The following PRH1 variants were observed in gnomAD, a reference collection of about 807,000 sequenced individuals.
The protein encoded by PRH1 is proline rich protein HaeIII subfamily 1.
Under a neutral mutation model 7.9 loss-of-function variants are expected in PRH1, and 7 were observed. The ratio of observed to expected loss-of-function variants is 0.89; its 90% CI spans 0.50 to 1.67. PRH1 has a LOEUF of 1.67. Among genes scored for constraint, PRH1 ranks in the 40% most tolerant of loss-of-function variants. The pLI is 0.00. For synonymous variants in PRH1, 45 were observed against 80.8 expected, an observed-to-expected ratio of 0.56 and a Z score of 2.38; for missense variants, 109 against 223.6, an observed-to-expected ratio of 0.49 and a Z score of 3.27.
chr12:11,056,142 A>G (rs1228451710), intron 1 of PRH1, among the ~76,000 whole-genome samples: 1 of 152,188 alleles, frequency 6.6e-6, no homozygotes, highest in Non-Finnish European at 1.5e-5. Context: ...TTAGCCTCTC[A>G]TATTTAGGAC....
chr12:11,135,681 A>C (rs1946530277), intron 1 of PRH1, among the ~76,000 whole-genome samples: 1 of 152,198 alleles, frequency 6.6e-6, no homozygotes, highest in Admixed American at 6.5e-5. Flanking sequence ...AAAAGAAAAA[A>C]TAGATGGGGA....
chr12:10,900,277 C>G (rs1351950519), intron 2 of PRH1, among the ~76,000 whole-genome samples: 4 of 152,218 alleles, frequency 2.6e-5, no homozygotes, highest in African/African-American at 9.6e-5. Flanking sequence ...TCTCCAAAGC[C>G]CTGGAGATAA....
At chr12:10,945,395 A>G (rs969787284) in intron 2 of PRH1, among the ~76,000 whole-genome samples, 1 of 152,170 alleles carries the variant, frequency 6.6e-6, no homozygotes, top group African/African-American at 2.4e-5. Flanking sequence ...AGAAATTTTA[A>G]AGCTGGTGTC....
intron 1 of PRH1, among the ~76,000 whole-genome samples, chr12:11,164,118 G>T (rs1248709070): frequency 6.6e-6 from 1 of 152,152 alleles, no homozygotes; most frequent in Non-Finnish European, 1.5e-5. Context: ...AAGAATACCC[G>T]TATAACTGGT....
At chr12:11,171,422 C>G in exon 1 of PRH1, 1 of 1,232,068 alleles carries the variant, frequency 8.1e-7, no homozygotes, top group African/African-American at 1.5e-5. Flanking sequence ...CGACACCCAC[C>G]TCGTACGGCG....
At chr12:11,004,436 C>T (rs903974901) in intron 1 of PRH1, among the ~76,000 whole-genome samples, 5 of 152,128 alleles carry the variant, frequency 3.3e-5, no homozygotes, top group Admixed American at 6.6e-5. Flanking sequence ...AACCCGGAGG[C>T]GGAGGTTGCG....
chr12:10,925,050 G>C (rs552676110), intron 2 of PRH1, among the ~76,000 whole-genome samples: 1 of 152,100 alleles, frequency 6.6e-6, no homozygotes, highest in Admixed American at 6.6e-5. Context: ...GCTAGCTTTT[G>C]AATGTGTTGG....
intron 1 of PRH1, among the ~76,000 whole-genome samples, chr12:11,081,228 T>C (rs1215074777): frequency 1.4e-5 from 2 of 141,670 alleles, no homozygotes; most frequent in African/African-American, 5.1e-5. Context: ...TCTAATTCAC[T>C]TATTCTCTCT....
Position 11,090,665 on chromosome 12 carries a change from C to G in PRH1, n.124-43477G>C, listed in dbSNP as rs867345654. On this transcript the variant is annotated intron_variant and non_coding_transcript_variant, in intron 1 of 4. Transcript: ENST00000541977. Reference sequence around the variant, plus strand: ...ATACATTAAATTTACTCTGCATATGCTTCTCACTCAAATTCTATTGTGTGC... The same window carrying G: ...ATACATTAAATTTACTCTGCATATGGTTCTCACTCAAATTCTATTGTGTGC... Among the ~76,000 whole-genome samples, 45 of 117,848 alleles carry G rather than the reference C, an allele frequency of 3.8e-4. 11 individuals are homozygous for G. Among genetic ancestry groups the G allele is most frequent in the Admixed American group, 2.3e-3 (27 of 11,920 alleles). 77.3% of individuals were successfully genotyped at this position (117,848 alleles called of 152,430 possible).
intron 2 of PRH1, among the ~76,000 whole-genome samples, chr12:10,941,047 C>G (rs1009269184): frequency 1.3e-5 from 2 of 152,052 alleles, no homozygotes; most frequent in Non-Finnish European, 2.9e-5. Flanking sequence ...CACATAGAGA[C>G]AAGAAGGTTA....
At chr12:11,017,492 T>A (rs10772417) in intron 1 of PRH1, among the ~76,000 whole-genome samples, 32,174 of 136,286 alleles carry the variant, frequency 0.24, 3,956 homozygotes, top group Non-Finnish European at 0.3. Flanking sequence ...TTAATTTATT[T>A]ATTTATATTT....
At chr12:11,092,227 C>T (rs139372865) in intron 1 of PRH1, 2 of 1,273,280 alleles carry the variant, frequency 1.6e-6, no homozygotes, top group African/African-American at 3.1e-5. Context: ...GAAAAGTTAT[C>T]ATGTCTGAAC....
chr12:11,032,233 T>G (rs535898339), intron 1 of PRH1, among the ~76,000 whole-genome samples: 4 of 152,202 alleles, frequency 2.6e-5, no homozygotes, highest in Non-Finnish European at 5.9e-5. Context: ...TTTAGTGACT[T>G]CAGTTGTTAG....
intron 1 of PRH1, among the ~76,000 whole-genome samples, chr12:11,036,433 C>T (rs1354753998): frequency 1.3e-5 from 2 of 152,172 alleles, no homozygotes; most frequent in Non-Finnish European, 2.9e-5. Context: ...TCATCACTCA[C>T]TCAAGTGTGA....
intron 2 of PRH1, among the ~76,000 whole-genome samples, chr12:10,967,093 C>A (rs1431799183): frequency 4.7e-5 from 6 of 127,768 alleles, no homozygotes; most frequent in Non-Finnish European, 7.8e-5. Context: ...CCAGCCTGGG[C>A]GACAGAGCAA....
chr12:10,976,208 A>G (rs1410216137), intron 1 of PRH1, among the ~76,000 whole-genome samples: 1 of 152,274 alleles, frequency 6.6e-6, no homozygotes, highest in East Asian at 1.9e-4. Context: ...ACAACAAAAA[A>G]TATACCAGTC....
chr12:10,985,451 T>G (rs956471636), intron 1 of PRH1, among the ~76,000 whole-genome samples: 9 of 152,100 alleles, frequency 5.9e-5, no homozygotes, highest in Non-Finnish European at 1.5e-5. Context: ...TCATTATTGA[T>G]TTAGAATTGA....
At chr12:11,106,201 A>G (rs1308008712) in intron 1 of PRH1, among the ~76,000 whole-genome samples, 1 of 46,818 alleles carries the variant, frequency 2.1e-5, no homozygotes, top group East Asian at 3.2e-4. Context: ...CGGCCTCCCA[A>G]AGTGCTGGGA....
intron 1 of PRH1, among the ~76,000 whole-genome samples, chr12:10,988,648 T>C (rs1042374772): frequency 3.9e-5 from 6 of 151,966 alleles, no homozygotes; most frequent in African/African-American, 1.5e-4. Flanking sequence ...ATGGTAAACA[T>C]AGCAATGTGT....
Sources: gnomAD v4.1 joint callset for allele counts (sites outside exome capture counted in the v4.1 genomes callset) on GRCh38, gnomAD v4.1.1 for gene constraint, MANE v1.5 for transcripts, NCBI Gene and HGNC (gene_info 2026-07-23, HGNC 2026-07-21) for gene names.